Variants in SGK3 observed in about 807,000 individuals in gnomAD.
SGK3 encodes the protein serum/glucocorticoid regulated kinase family member 3.
A neutral mutation model predicts 68.5 loss-of-function variants in SGK3; 47 were observed. The ratio of observed to expected loss-of-function variants is 0.69; its 90% CI spans 0.54 to 0.87. The LOEUF is 0.87. Ranked by LOEUF, SGK3 falls within the 40% of genes least tolerant of loss-of-function variation. SGK3 has a pLI of 0.00. For missense variants in SGK3, 479 were observed against 575.5 expected (o/e 0.83, Z 1.72); for synonymous variants, 181 against 189.1 (o/e 0.96, Z 0.35).
In SGK3 at chr8:66,722,340, C is replaced by T. The variant is rs566044346; in HGVS notation, c.-122+9507C>T. ...CTCTGTCACAGAGGCTGGAGTGCAGCGGCGCGATCTTGGCTCACTGCAACC... is the reference window on the plus strand; with the variant it reads ...CTCTGTCACAGAGGCTGGAGTGCAGTGGCGCGATCTTGGCTCACTGCAACC... On this transcript the variant is annotated intron_variant, in intron 1 of 16. Transcript: ENST00000521198. Among the ~76,000 whole-genome samples the T allele has an allele frequency of 1.8e-4, 28 of 152,230 alleles. No homozygotes were observed. The East Asian group carries it at 2.1e-3, about 12-fold the overall frequency.
intron 1 of SGK3, among the ~76,000 whole-genome samples, chr8:66,723,105 ATATATATATATATATATATATATATAT>A (rs1291407327): frequency 5.6e-5 from 2 of 35,668 alleles, no homozygotes; most frequent in Non-Finnish European, 1.1e-4. Flanking sequence ...ATATATATAT[ATATATATATATATATATATATATATAT>A]TTTTTTTTTT....
At chr8:66,794,097 G>A (rs1247629770) in intron 2 of SGK3, among the ~76,000 whole-genome samples, 1 of 152,192 alleles carries the variant, frequency 6.6e-6, no homozygotes, top group African/African-American at 2.4e-5. Flanking sequence ...ATGTGCATGT[G>A]CATACACATG....
intron 2 of SGK3, among the ~76,000 whole-genome samples, chr8:66,797,235 C>A (rs941309107): frequency 6.6e-6 from 1 of 152,160 alleles, no homozygotes; most frequent in African/African-American, 2.4e-5. Flanking sequence ...TCAAGAAACT[C>A]ACAATCATAT....
At chr8:66,734,240 T>A (rs1356572681) in intron 1 of SGK3, among the ~76,000 whole-genome samples, 1 of 149,598 alleles carries the variant, frequency 6.7e-6, no homozygotes, top group Non-Finnish European at 1.5e-5. Context: ...TTTTTTTTTT[T>A]TTTTTTTTTA....
intron 4 of SGK3, among the ~76,000 whole-genome samples, chr8:66,809,289 C>T (rs1361713962): frequency 6.6e-6 from 1 of 152,118 alleles, no homozygotes; most frequent in Non-Finnish European, 1.5e-5. Flanking sequence ...TACCATTTCC[C>T]TCTCAAAGGA....
chr8:66,727,709 A>G (rs939787816), intron 1 of SGK3, among the ~76,000 whole-genome samples: 4 of 152,214 alleles, frequency 2.6e-5, no homozygotes, highest in Non-Finnish European at 5.9e-5. Flanking sequence ...TCAAGGACAC[A>G]GCAAGAGGCC....
chr8:66,723,089 T>TCA (rs1804844342), intron 1 of SGK3, among the ~76,000 whole-genome samples: 3 of 57,500 alleles, frequency 5.2e-5, no homozygotes, highest in Non-Finnish European at 1.0e-4. Context: ...AAGATTTTGT[T>TCA]CATATATATA....
chr8:66,736,531 C>T (rs1426170837), intron 1 of SGK3, among the ~76,000 whole-genome samples: 1 of 151,916 alleles, frequency 6.6e-6, no homozygotes, highest in Admixed American at 6.6e-5. Flanking sequence ...CATCATAGCC[C>T]ACTGCAGCCT....
At chr8:66,825,750 A>G (rs1255338422) in intron 6 of SGK3, among the ~76,000 whole-genome samples, 1 of 152,202 alleles carries the variant, frequency 6.6e-6, no homozygotes, top group Non-Finnish European at 1.5e-5. Flanking sequence ...ATTAGTATTC[A>G]TTCTGTTAAT....
At chr8:66,760,685 A>C (rs931614101) in intron 1 of SGK3, among the ~76,000 whole-genome samples, 1 of 152,058 alleles carries the variant, frequency 6.6e-6, no homozygotes, top group Admixed American at 6.6e-5. Flanking sequence ...TTTGGCAAAT[A>C]CCATCATTTG....
At chr8:66,786,338 C>A (rs1489144491) in intron 1 of SGK3, among the ~76,000 whole-genome samples, 1 of 152,198 alleles carries the variant, frequency 6.6e-6, no homozygotes, top group African/African-American at 2.4e-5. Context: ...CTTCTGCCAT[C>A]TGGGGCAGGG....
intron 4 of SGK3, among the ~76,000 whole-genome samples, chr8:66,810,644 T>C (rs1808348550): frequency 1.3e-5 from 2 of 152,174 alleles, no homozygotes; most frequent in Non-Finnish European, 2.9e-5. Flanking sequence ...GAGGTTGCAG[T>C]GAGCTGGAAT....
chr8:66,825,198 TC>T (rs1745988222), intron 6 of SGK3, among the ~76,000 whole-genome samples: 2 of 152,310 alleles, frequency 1.3e-5, no homozygotes, highest in East Asian at 3.9e-4. Flanking sequence ...TTCCTTTTTT[TC>T]TTTTTTCATC....
At chr8:66,851,965 A>G (rs540127536) in intron 16 of SGK3, among the ~76,000 whole-genome samples, 1 of 152,318 alleles carries the variant, frequency 6.6e-6, no homozygotes, top group South Asian at 2.1e-4. Context: ...AAGCTCAGAG[A>G]TGTCTCATAG....
intron 5 of SGK3, among the ~76,000 whole-genome samples, chr8:66,814,651 A>C (rs1425791901): frequency 6.6e-6 from 1 of 152,216 alleles, no homozygotes; most frequent in Non-Finnish European, 1.5e-5. Flanking sequence ...GTTGACCCAC[A>C]TGAGGCCTCC....
chr8:66,745,807 T>C (rs943177473), intron 1 of SGK3, among the ~76,000 whole-genome samples: 2 of 152,134 alleles, frequency 1.3e-5, no homozygotes, highest in African/African-American at 2.4e-5. Context: ...CCACTCTGAA[T>C]GCTGCATTCT....
chr8:66,744,498 TATATATATATATATATATA>T (rs1563605531), intron 1 of SGK3, among the ~76,000 whole-genome samples: 8 of 24,052 alleles, frequency 3.3e-4, no homozygotes, highest in African/African-American at 8.1e-4. Flanking sequence ...TATATATATA[TATATATATATATATATATA>T]TATTTTTTTT....
At chr8:66,723,891 A>G (rs1218911450) in intron 1 of SGK3, among the ~76,000 whole-genome samples, 1 of 152,000 alleles carries the variant, frequency 6.6e-6, no homozygotes. Context: ...CTTCTCACCA[A>G]TATTTGGTTT....
chr8:66,822,896 C>T (rs556618008), intron 6 of SGK3, among the ~76,000 whole-genome samples: 3 of 152,312 alleles, frequency 2.0e-5, no homozygotes, highest in East Asian at 3.9e-4. Flanking sequence ...GCTGGGATTA[C>T]AGGCATGAAC....
Sources: allele counts gnomAD v4.1 joint callset (sites outside exome capture counted in the v4.1 genomes callset), GRCh38; gene constraint gnomAD v4.1.1; transcripts MANE v1.5; gene names NCBI Gene and HGNC (gene_info 2026-07-23, HGNC 2026-07-21).